DYNC1I1: variants seen among roughly 807,000 people sequenced by gnomAD.
The protein encoded by DYNC1I1 is cytoplasmic dynein 1 intermediate chain 1.
DYNC1I1 carries 43 observed loss-of-function variants against 86.6 expected under a neutral mutation model. The observed-to-expected ratio is 0.50, with a 90% CI of 0.39 to 0.64. The LOEUF is 0.64. DYNC1I1 is among the 30% of genes least tolerant of loss of function. The probability of loss-of-function intolerance (pLI) is 0.00; values close to 1 mark genes in which losing one functional copy is unlikely to be tolerated. For synonymous variants in DYNC1I1, 262 were observed against 283.7 expected (o/e 0.92, Z 0.77); for missense variants, 604 against 788.8 (o/e 0.77, Z 2.81).
At chr7:96,067,642 T>C (rs1207541807) in intron 14 of DYNC1I1, among the ~76,000 whole-genome samples, 2 of 152,144 alleles carry the variant, frequency 1.3e-5, no homozygotes, top group East Asian at 3.9e-4. Context: ...TACCTATGGC[T>C]GTTAAATATT....
chr7:95,817,214 TAAA>T (rs34412998), intron 4 of DYNC1I1, among the ~76,000 whole-genome samples: 2 of 138,984 alleles, frequency 1.4e-5, no homozygotes. Context: ...CATCCAAGAT[TAAA>T]AAAAAAAAAA....
chr7:96,099,495 G>A (rs1791094587), downstream of DYNC1I1, among the ~76,000 whole-genome samples: 2 of 152,128 alleles, frequency 1.3e-5, no homozygotes, highest in Non-Finnish European at 2.9e-5. Context: ...AGACTGAGTG[G>A]CTTAAGCAAC....
rs1465584352 is a variant in DYNC1I1, at chr7:95,833,486, G to C, written c.374+5370G>C. Among the ~76,000 whole-genome samples the C allele has an allele frequency of 2.2e-4, 31 of 141,130 alleles. No individual in the cohort carries two copies. In the South Asian group the frequency reaches 3.4e-3, roughly 16 times the overall value. 92.6% of individuals were successfully genotyped at this position (141,130 alleles called of 152,430 possible). ...TTGGTTCCATATGAACTTTAAAGTAGTTTTTTCCAATTCTGTGAAGAAAGT... is the reference window on the plus strand; with the variant it reads ...TTGGTTCCATATGAACTTTAAAGTACTTTTTTCCAATTCTGTGAAGAAAGT... On this transcript the variant is annotated intron_variant, in intron 5 of 16. Coordinates refer to ENST00000447467, the MANE Select transcript of DYNC1I1 (RefSeq NM_001135556.2).
At chr7:96,054,913 G>A (rs959560960) in intron 14 of DYNC1I1, among the ~76,000 whole-genome samples, 1 of 152,094 alleles carries the variant, frequency 6.6e-6, no homozygotes, top group African/African-American at 2.4e-5. Context: ...CATTCTGTAG[G>A]CTGCCTGTTC....
intron 6 of DYNC1I1, among the ~76,000 whole-genome samples, chr7:95,958,048 G>T (rs1170499850): frequency 6.6e-6 from 1 of 152,148 alleles, no homozygotes; most frequent in Non-Finnish European, 1.5e-5. Flanking sequence ...TGCCAGAGCT[G>T]TCCTGTGCAT....
At chr7:95,791,274 G>A (rs113726025) in intron 1 of DYNC1I1, among the ~76,000 whole-genome samples, 447 of 152,282 alleles carry the variant, frequency 2.9e-3, no homozygotes, top group African/African-American at 0.01. Context: ...AAATTTGCCT[G>A]CATCCTCTAT....
intron 5 of DYNC1I1, among the ~76,000 whole-genome samples, chr7:95,842,411 G>C (rs767814677): frequency 6.6e-6 from 1 of 152,128 alleles, no homozygotes; most frequent in African/African-American, 2.4e-5. Context: ...TTCCAGGTGC[G>C]GGGGCTTTAA....
At position 96,032,537 on chromosome 7, in the gene DYNC1I1, A is replaced by G. The variant is rs1279331076; in HGVS notation, c.1117-130A>G. Reference sequence around the variant, plus strand: ...AGGTTCAAATCAAAAGCGGCAAATGACCTGACGCTTGTATTATAGTAGGAT... The same window carrying G: ...AGGTTCAAATCAAAAGCGGCAAATGGCCTGACGCTTGTATTATAGTAGGAT... On this transcript the variant is annotated intron_variant, in intron 11 of 16. Transcript: ENST00000447467. 6 of 675,712 alleles carry G rather than the reference A, an allele frequency of 8.9e-6. No homozygotes were observed. The Admixed American group carries it at 1.2e-4, about 14-fold the overall frequency. 41.9% of individuals were successfully genotyped at this position (675,712 alleles called of 1,614,324 possible).
chr7:96,022,542 A>T (rs1246697240), intron 10 of DYNC1I1, among the ~76,000 whole-genome samples: 4 of 152,022 alleles, frequency 2.6e-5, no homozygotes, highest in Admixed American at 6.6e-5. Flanking sequence ...CAGGACAGAG[A>T]CTTAGAGAGA....
chr7:95,968,826 G>A (rs1021677951), intron 6 of DYNC1I1, among the ~76,000 whole-genome samples: 1 of 23,086 alleles, frequency 4.3e-5, no homozygotes, highest in Non-Finnish European at 9.8e-5. Flanking sequence ...TTTTTGCTCT[G>A]TGTGTGTGTG....
At chr7:96,100,372 CT>C (rs1317345061), downstream of DYNC1I1, among the ~76,000 whole-genome samples, 1 of 151,194 alleles carries the variant, frequency 6.6e-6, no homozygotes, top group Non-Finnish European at 1.5e-5. Flanking sequence ...TCCTTCCTTC[CT>C]TCCTTCTTTC....
intron 6 of DYNC1I1, among the ~76,000 whole-genome samples, chr7:95,937,899 G>A (rs1792091195): frequency 1.3e-5 from 2 of 151,934 alleles, no homozygotes; most frequent in South Asian, 4.1e-4. Context: ...TGTTTGCCAT[G>A]TATGTATAAT....
intron 6 of DYNC1I1, among the ~76,000 whole-genome samples, chr7:95,922,515 G>T (rs2116381737): frequency 6.6e-6 from 1 of 152,266 alleles, no homozygotes; most frequent in South Asian, 2.1e-4. Context: ...CATGAAGCTT[G>T]TGTCCTTCTC....
chr7:96,064,115 AT>A (rs1227255808), intron 14 of DYNC1I1, among the ~76,000 whole-genome samples: 1 of 151,976 alleles, frequency 6.6e-6, no homozygotes, highest in Non-Finnish European at 1.5e-5. Flanking sequence ...GCTGGTTTGG[AT>A]TCAGGCTTCT....
At chr7:95,958,567 AAAAAG>A (rs1434222143) in intron 6 of DYNC1I1, among the ~76,000 whole-genome samples, 11 of 152,214 alleles carry the variant, frequency 7.2e-5, no homozygotes, top group African/African-American at 2.7e-4. Flanking sequence ...TCTCTTAAAA[AAAAAG>A]AAAAGAAAAG....
intron 14 of DYNC1I1, among the ~76,000 whole-genome samples, chr7:96,060,893 G>A (rs748581632): frequency 1.3e-5 from 2 of 152,016 alleles, no homozygotes; most frequent in Non-Finnish European, 2.9e-5. Context: ...CTATAACAGC[G>A]TAAGGCAGAC....
rs1794728411 is a variant in DYNC1I1, at chr7:96,028,228, T to C, written c.1023T>C (p.Gly341=). The change falls in exon 11 of 17, where the codon GGT becomes GGC. Residue 341 remains glycine (G), a synonymous_variant. Coordinates refer to ENST00000447467, the MANE Select transcript of DYNC1I1 (RefSeq NM_001135556.2). ...FARFHPNLVV[G]GTYSGQIVLW... Reference sequence around the variant, plus strand: ...GTTTCCATCCTAACTTGGTGGTTGGTGGGACTTACTCGGGCCAGATTGTCC... The same window carrying C: ...GTTTCCATCCTAACTTGGTGGTTGGCGGGACTTACTCGGGCCAGATTGTCC... 2 of 1,613,818 alleles carry C rather than the reference T, an allele frequency of 1.2e-6. No homozygotes were observed. Among genetic ancestry groups the C allele is most frequent in the African/African-American group, 2.7e-5 (2 of 74,882 alleles).
chr7:96,024,662 T>A (rs1794633918), intron 10 of DYNC1I1, among the ~76,000 whole-genome samples: 1 of 152,158 alleles, frequency 6.6e-6, no homozygotes, highest in South Asian at 2.1e-4. Context: ...GTAATGAAAT[T>A]TTTTAAAATA....
intron 1 of DYNC1I1, among the ~76,000 whole-genome samples, chr7:95,790,376 C>G (rs1043288796): frequency 6.6e-6 from 1 of 152,166 alleles, no homozygotes; most frequent in African/African-American, 2.4e-5. Context: ...GTCCCACAAA[C>G]TGGTCATTCT....
Sources: allele counts gnomAD v4.1 joint callset (sites outside exome capture counted in the v4.1 genomes callset), GRCh38; gene constraint gnomAD v4.1.1; transcripts MANE v1.5; gene names NCBI Gene and HGNC (gene_info 2026-07-23, HGNC 2026-07-21).